ZNF711: variants seen among roughly 807,000 people sequenced by gnomAD.
The protein encoded by ZNF711 is ZFX family zinc finger ZNF711.
ZNF711 carries 3 observed loss-of-function variants against 43.5 expected under a neutral mutation model. The ratio of observed to expected loss-of-function variants is 0.07; its 90% CI spans 0.03 to 0.18. The LOEUF (loss-of-function observed/expected upper bound fraction) is 0.18, where lower values mean the gene tolerates loss of function less well. ZNF711 is among the 10% of genes least tolerant of loss of function. The pLI is 1.00. For missense variants in ZNF711, 412 were observed against 604.0 expected (o/e 0.68, Z 3.33); for synonymous variants, 209 against 207.7 (o/e 1.01, Z -0.06).
At chrX:85,263,641 T>G (rs12557957) in intron 5 of ZNF711, among the ~76,000 whole-genome samples, 9,519 of 109,901 alleles carry the variant, frequency 0.087, 925 homozygotes, top group African/African-American at 0.28. Flanking sequence ...AACTGTAGTT[T>G]ATGTGAACTC....
chrX:85,264,342 A>T lies in ZNF711; in HGVS notation c.690A>T (p.Ser230=). The T allele has an allele frequency of 8.3e-7, 1 of 1,206,377 alleles. No homozygotes were observed. Among genetic ancestry groups the T allele is most frequent in the South Asian group, 1.8e-5 (1 of 56,740 alleles). The change falls in exon 6 of 11, where the codon TCA becomes TCT. Residue 230 remains serine (S), a synonymous_variant. Coordinates refer to ENST00000674551, the MANE Select transcript of ZNF711 (RefSeq NM_001330574.2). ...CATTAAAAATTGGCAGTGATGGTTC[A>T]CAAGAAGATGCTAAAGAAGATGGGT... ...NTPLKIGSDG[S]QEDAKEDGFG...
chrX:85,271,510 A>G lies in ZNF711; in HGVS notation c.2106A>G (p.Thr702=), dbSNP rs138675194. The change falls in exon 11 of 11, where the codon ACA becomes ACG. Residue 702 remains threonine, a synonymous_variant. Coordinates refer to ENST00000674551, the MANE Select transcript of ZNF711 (RefSeq NM_001330574.2). ...AGTGCAGGCACTGTGACTTTAAAAC[A>G]TCCGATCCATTTATTCTTAGTGGCC... The part of the protein sequence containing the change: ...IHQCRHCDFK[T]SDPFILSGHI... The G allele has an allele frequency of 1.3e-3, 1,568 of 1,209,874 alleles. 5 individuals carry two copies. Among genetic ancestry groups the G allele is most frequent in the Middle Eastern group, 6.4e-3 (28 of 4,350 alleles).
Position 85,270,121 on chromosome X carries a change from G to A in ZNF711, c.1221G>A (p.Arg407=). Residue 407 remains arginine, a synonymous_variant, in exon 10 of 11, where the codon AGG becomes AGA. Transcript: ENST00000674551. ...AACAAAAAGCCAAAAAGAGGAGAAGGGGAGAAACCAGGCAGTGGCAAACAG... is the reference window on the plus strand; with the variant it reads ...AACAAAAAGCCAAAAAGAGGAGAAGAGGAGAAACCAGGCAGTGGCAAACAG... ...VLKQKAKKRR[R]GETRQWQTAV... 1 of 1,209,112 alleles carries A rather than the reference G, an allele frequency of 8.3e-7. No homozygotes were observed. The highest frequency in any genetic ancestry group is 1.7e-5 in the African/African-American group (1 of 57,423).
At chrX:85,267,092 T>C (rs1931159931) in intron 7 of ZNF711, among the ~76,000 whole-genome samples, 186 bp from the exon 8 acceptor site, 1 of 110,689 alleles carries the variant, frequency 9.0e-6, no homozygotes, top group Non-Finnish European at 1.9e-5. Flanking sequence ...ATAAGAGTTT[T>C]GGTAAATGAT....
intron 4 of ZNF711, among the ~76,000 whole-genome samples, chrX:85,251,391 G>C (rs749394874): frequency 4.7e-4 from 53 of 111,629 alleles, no homozygotes; most frequent in Non-Finnish European, 4.7e-4. Flanking sequence ...AGTTGTTTAA[G>C]ATTTTAATGC....
intron 4 of ZNF711, among the ~76,000 whole-genome samples, chrX:85,250,884 T>C (rs1406677039): frequency 9.0e-6 from 1 of 111,361 alleles, no homozygotes; most frequent in Non-Finnish European, 1.9e-5. Context: ...ATTTTCATTT[T>C]TGTATGATAT....
intron 1 of ZNF711, chrX:85,245,029 A>T (rs1199853073): frequency 8.9e-6 from 1 of 112,269 alleles, no homozygotes; most frequent in South Asian, 3.7e-4. Context: ...GCTCGAAATG[A>T]TTGAAACTTG....
intron 5 of ZNF711, among the ~76,000 whole-genome samples, chrX:85,258,742 G>A (rs188126209): frequency 7.3e-5 from 8 of 109,188 alleles, no homozygotes; most frequent in African/African-American, 1.7e-4. Context: ...CCTTTTCCCC[G>A]TTTTTATTGG....
Position 85,248,161 on chromosome X carries a change from CTT to C in ZNF711, c.79+521_79+522del, listed in dbSNP as rs35501637. Among the ~76,000 whole-genome samples the C allele has an allele frequency of 1.6e-3, 156 of 97,527 alleles. 2 individuals carry two copies. Among genetic ancestry groups the C allele is most frequent in the African/African-American group, 5.0e-3 (132 of 26,563 alleles). The allele number at this position is 97,527 out of a possible 115,157, so 84.7% of individuals were successfully genotyped here. ...ACCATTAGAATACATTTTTCTTTCT[CTT>C]TTTTTTTTTTAAAAAAAAAAAAGAG... On this transcript the variant is annotated intron_variant, in intron 4 of 10. Transcript: ENST00000674551.
chrX:85,259,339 G>A lies in ZNF711; in HGVS notation c.622+3538G>A, dbSNP rs181767514. On this transcript the variant is annotated intron_variant, in intron 5 of 10. Transcript: ENST00000674551. Reference sequence around the variant, plus strand: ...TGTAGTTTCAAGTTGGATAATTGATGTCTCTGGCTTTGTTCTTTTTGCTTA... The same window carrying A: ...TGTAGTTTCAAGTTGGATAATTGATATCTCTGGCTTTGTTCTTTTTGCTTA... Among the ~76,000 whole-genome samples, 10 of 111,319 alleles carry A rather than the reference G, an allele frequency of 9.0e-5. No homozygotes were observed. The East Asian group carries it at 2.8e-3, about 31-fold the overall frequency.
At position 85,271,256 on chromosome X, in the gene ZNF711, G is replaced by A. The variant is rs1931548791; in HGVS notation, c.1852G>A (p.Gly618Ser). The change falls in exon 11 of 11, where the codon GGT becomes AGT. Residue 618 changes from glycine to serine, a missense_variant. Transcript: ENST00000674551. The part of the protein sequence containing the change: ...YKCEHCPQAF[G>S]DERELQRHLD... ...ATGTGAGCATTGTCCCCAAGCATTT[G>A]GTGATGAGAGGGAGCTTCAACGCCA... is the stretch of plus-strand genomic sequence containing the variant. 1 of 1,207,986 alleles carries A rather than the reference G, an allele frequency of 8.3e-7. No individual in the cohort carries two copies. The highest frequency in any genetic ancestry group is 1.8e-5 in the African/African-American group (1 of 56,967).
intron 5 of ZNF711, among the ~76,000 whole-genome samples, chrX:85,258,072 A>G (rs374359563): frequency 8.9e-6 from 1 of 112,703 alleles, no homozygotes; most frequent in African/African-American, 3.2e-5. Flanking sequence ...TACAAAAAAG[A>G]TACTTTCACA....
At position 85,271,955 on chromosome X, in the gene ZNF711, A is replaced by T; in HGVS notation, c.*127A>T. 1 of 536,460 alleles carries T rather than the reference A, an allele frequency of 1.9e-6. No individual in the cohort carries two copies. Among genetic ancestry groups the T allele is most frequent in the Non-Finnish European group, 3.1e-6 (1 of 325,139 alleles). The allele number at this position is 536,460 out of a possible 1,213,427, so 44.2% of individuals were successfully genotyped here. The stretch of plus-strand genomic sequence containing the variant: ...ACCATGACTTTACATTCTTTGTATT[A>T]AAGATCTTAAAATATTTGAATTCAC... On this transcript the variant is annotated 3_prime_UTR_variant, in exon 11 of 11. Transcript: ENST00000674551.
In ZNF711 at chrX:85,244,151, G is replaced by GGCGGCGGCAGCTGTAGCT. The variant is rs1555967815; in HGVS notation, c.-435_-434insTGTAGCTGCGGCGGCAGC. 19 of 149,754 alleles carry GGCGGCGGCAGCTGTAGCT rather than the reference G, an allele frequency of 1.3e-4. No homozygotes were observed. The highest frequency in any genetic ancestry group is 4.8e-4 in the African/African-American group (15 of 30,936). The allele number at this position is 149,754 out of a possible 1,213,427, so 12.3% of individuals were successfully genotyped here. On this transcript the variant is annotated 5_prime_UTR_variant, in exon 1 of 11. Coordinates refer to ENST00000674551, the MANE Select transcript of ZNF711 (RefSeq NM_001330574.2). The stretch of plus-strand genomic sequence containing the variant: ...CGGCGGCGGCGGCGGCGGCGGCAGC[G>GGCGGCGGCAGCTGTAGCT]GCGGCGGCAGCGGCGGCGGCAGCTG...
intron 6 of ZNF711, 113 bp from the exon 7 acceptor site, chrX:85,265,005 T>G: frequency 1.4e-6 from 1 of 720,245 alleles, no homozygotes; most frequent in Non-Finnish European, 2.0e-6. Context: ...CACTTTGAAA[T>G]TTATTTTGGA....
intron 4 of ZNF711, among the ~76,000 whole-genome samples, chrX:85,251,497 A>G (rs73627341): frequency 0.018 from 2,026 of 111,486 alleles, 44 homozygotes; most frequent in African/African-American, 0.062. Flanking sequence ...TTATGCTGTC[A>G]TTCTGGTGAT....
intron 4 of ZNF711, among the ~76,000 whole-genome samples, chrX:85,249,754 A>G (rs1485126928): frequency 1.8e-5 from 2 of 111,682 alleles, no homozygotes; most frequent in Non-Finnish European, 3.8e-5. Flanking sequence ...ATACAATTCA[A>G]TGGTTTTTAG....
intron 4 of ZNF711, among the ~76,000 whole-genome samples, chrX:85,253,394 A>G (rs1197927519): frequency 9.0e-6 from 1 of 111,674 alleles, no homozygotes; most frequent in Non-Finnish European, 1.9e-5. Context: ...AACTCACTTA[A>G]CATATTAGTA....
Position 85,271,224 on chromosome X carries a change from C to G in ZNF711, c.1820C>G (p.Pro607Arg). The change falls in exon 11 of 11, where the codon CCA (proline) becomes CGA (arginine). Residue 607 changes from proline (P) to arginine (R), a missense_variant. By Grantham distance (103) the Pro-to-Arg change is moderately radical. Coordinates refer to ENST00000674551, the MANE Select transcript of ZNF711 (RefSeq NM_001330574.2). ...HIKSKHGNNL[P>R]YKCEHCPQAF... ...AAGTCTAAACATGGTAACAATTTGC[C>G]ATATAAATGTGAGCATTGTCCCCAA... 1 of 1,209,148 alleles carries G rather than the reference C, an allele frequency of 8.3e-7. No homozygotes were observed. Among genetic ancestry groups the G allele is most frequent in the Non-Finnish European group, 1.1e-6 (1 of 894,270 alleles).
Sources: allele counts gnomAD v4.1 joint callset (sites outside exome capture counted in the v4.1 genomes callset), GRCh38; gene constraint gnomAD v4.1.1; transcripts MANE v1.5; gene names NCBI Gene and HGNC (gene_info 2026-07-23, HGNC 2026-07-21).